The following DPP10 variants were observed in gnomAD, a reference collection of about 807,000 sequenced individuals.
The protein encoded by DPP10 is inactive dipeptidyl peptidase 10.
A neutral mutation model predicts 120.9 loss-of-function variants in DPP10; 33 were observed. The observed-to-expected ratio is 0.27, with a 90% CI of 0.21 to 0.37. DPP10 has a LOEUF of 0.37. Ranked by LOEUF, DPP10 falls within the 10% of genes least tolerant of loss-of-function variation. The pLI is 1.00. For missense variants in DPP10, 816 were observed against 942.8 expected (o/e 0.87, Z 1.76); for synonymous variants, 337 against 326.1 (o/e 1.03, Z -0.36).
chr2:114,571,474 C>G (rs1161645452), intron 1 of DPP10, among the ~76,000 whole-genome samples: 6 of 152,034 alleles, frequency 3.9e-5, no homozygotes, highest in Non-Finnish European at 8.8e-5. Flanking sequence ...TATAAATCAC[C>G]CAGTCTTGCA....
intron 7 of DPP10, among the ~76,000 whole-genome samples, chr2:115,692,091 A>G (rs1307937746): frequency 6.6e-6 from 1 of 152,040 alleles, no homozygotes; most frequent in Non-Finnish European, 1.5e-5. Flanking sequence ...CTATGTCGTT[A>G]AAATCCTTCT....
At chr2:115,598,925 G>A (rs1364910602) in intron 5 of DPP10, among the ~76,000 whole-genome samples, 5 of 150,600 alleles carry the variant, frequency 3.3e-5, no homozygotes, top group African/African-American at 4.9e-5. Context: ...TTTGAAACAC[G>A]TCTCACTCAT....
intron 1 of DPP10, among the ~76,000 whole-genome samples, chr2:115,210,054 G>A (rs2056403646): frequency 6.6e-6 from 1 of 151,718 alleles, no homozygotes; most frequent in African/African-American, 2.4e-5. Context: ...AAATTCTAGG[G>A]TACATGTACA....
chr2:115,342,224 G>A (rs2063483919), intron 2 of DPP10: 2 of 441,200 alleles, frequency 4.5e-6, no homozygotes, highest in South Asian at 3.2e-5. Flanking sequence ...TTTGAGACAA[G>A]GTCTCACCCT....
At chr2:114,967,264 T>C (rs550244079) in intron 1 of DPP10, among the ~76,000 whole-genome samples, 1 of 152,196 alleles carries the variant, frequency 6.6e-6, no homozygotes, top group Non-Finnish European at 1.5e-5. Flanking sequence ...AACAGTGCTA[T>C]GGAGCAAGTG....
chr2:115,186,153 C>T (rs1303528354), intron 1 of DPP10, among the ~76,000 whole-genome samples: 2 of 152,208 alleles, frequency 1.3e-5, no homozygotes, highest in Non-Finnish European at 2.9e-5. Context: ...TTCCCTCACT[C>T]TCATCACTGC....
intron 1 of DPP10, among the ~76,000 whole-genome samples, chr2:114,766,741 C>T (rs1680736706): frequency 6.6e-6 from 1 of 151,836 alleles, no homozygotes; most frequent in South Asian, 2.1e-4. Context: ...ATATAAAAAC[C>T]TGTAGATATG....
At chr2:115,480,443 T>C (rs1050361901) in intron 3 of DPP10, among the ~76,000 whole-genome samples, 1 of 152,162 alleles carries the variant, frequency 6.6e-6, no homozygotes, top group Admixed American at 6.6e-5. Flanking sequence ...TGGTAAACAC[T>C]TAACAAGTAG....
At chr2:115,676,588 G>A (rs1290061372) in intron 5 of DPP10, among the ~76,000 whole-genome samples, 2 of 152,044 alleles carry the variant, frequency 1.3e-5, no homozygotes, top group Non-Finnish European at 2.9e-5. Context: ...ACTAAATTAA[G>A]TAGAAGAAAG....
At chr2:115,663,308 T>C (rs1017510644) in intron 5 of DPP10, among the ~76,000 whole-genome samples, 21 of 152,220 alleles carry the variant, frequency 1.4e-4, no homozygotes, top group Admixed American at 1.0e-3. Flanking sequence ...TCTTCAGCAA[T>C]GTATAATAAG....
At position 115,286,480 on chromosome 2, in the gene DPP10, AATAT is replaced by A. The variant is rs1424111275; in HGVS notation, c.61-22751_61-22748del. 2.0e-4 allele frequency among the ~76,000 whole-genome samples: 10 copies of A among 49,600 alleles called. 1 individual carries two copies. Among genetic ancestry groups the A allele is most frequent in the Admixed American group, 1.1e-3 (4 of 3,754 alleles). 32.5% of individuals were successfully genotyped at this position (49,600 alleles called of 152,430 possible). Reference sequence around the variant, plus strand: ...AGTTTAAAGTGAAATATATATATGTAATATATATATAATATATATATATTACATA... The same window carrying A: ...AGTTTAAAGTGAAATATATATATGTAATATATAATATATATATATTACATA... On this transcript the variant is annotated intron_variant, in intron 1 of 25. Coordinates refer to ENST00000410059, the MANE Select transcript of DPP10 (RefSeq NM_020868.6).
intron 1 of DPP10, among the ~76,000 whole-genome samples, chr2:114,467,982 C>T (rs531421009): frequency 7.2e-5 from 11 of 152,272 alleles, no homozygotes; most frequent in African/African-American, 2.6e-4. Flanking sequence ...ATTGCAGCCA[C>T]TGCACTTCAG....
chr2:114,450,979 C>G (rs973717362), intron 1 of DPP10, among the ~76,000 whole-genome samples: 1 of 152,116 alleles, frequency 6.6e-6, no homozygotes, highest in Non-Finnish European at 1.5e-5. Context: ...AACACCACTT[C>G]TCCCAACTCT....
chr2:114,789,795 C>T (rs1011933591), intron 1 of DPP10, among the ~76,000 whole-genome samples: 1 of 152,200 alleles, frequency 6.6e-6, no homozygotes, highest in Admixed American at 6.5e-5. Context: ...ATATACAACA[C>T]ATGAGTGTGC....
At chr2:114,505,490 T>C (rs962662434) in intron 1 of DPP10, among the ~76,000 whole-genome samples, 6 of 151,910 alleles carry the variant, frequency 3.9e-5, no homozygotes, top group African/African-American at 1.2e-4. Flanking sequence ...CATTTTTAGG[T>C]AGCAAAGGGG....
Position 115,357,491 on chromosome 2 carries a change from G to A in DPP10, c.271+13579G>A, listed in dbSNP as rs144358378. ...GTGGGCTTCCACAGACTTGGGCAGC[G>A]CCACTCCTGTGGCTTTGCAGGCTAC... On this transcript the variant is annotated intron_variant, in intron 3 of 25. Transcript: ENST00000410059. Among the ~76,000 whole-genome samples the A allele has an allele frequency of 5.6e-4, 85 of 152,308 alleles. 2 individuals carry two copies. In the East Asian group the frequency reaches 8.7e-3, roughly 16 times the overall value.
In DPP10 at chr2:115,734,655, T is replaced by TA. The variant is rs55950813; in HGVS notation, c.698-5057dup. On this transcript the variant is annotated intron_variant, in intron 8 of 25. Transcript: ENST00000410059. ...TGGGCAACACAGTGAGACTCTGTCT[T>TA]AAAAAAAAAAAAAAAAAAAAAAAAA... 7.2e-4 allele frequency among the ~76,000 whole-genome samples: 72 copies of TA among 100,412 alleles called. 1 individual carries two copies. The highest frequency in any genetic ancestry group is 3.0e-3 in the African/African-American group (64 of 21,372). 65.9% of individuals were successfully genotyped at this position (100,412 alleles called of 152,430 possible). A position where few individuals can be genotyped will look rare whatever the true frequency, so the allele number is the denominator to read the frequency against.
chr2:114,685,265 G>A (rs1699287449), intron 1 of DPP10, among the ~76,000 whole-genome samples: 1 of 151,822 alleles, frequency 6.6e-6, no homozygotes, highest in South Asian at 2.1e-4. Context: ...TAACTCATGA[G>A]AAAAACAACA....
At chr2:114,985,468 T>C (rs1023254874) in intron 1 of DPP10, among the ~76,000 whole-genome samples, 43 of 152,348 alleles carry the variant, frequency 2.8e-4, no homozygotes, top group African/African-American at 9.9e-4. Context: ...ACTGTAAGCT[T>C]TACCAGAACA....
Sources: gnomAD v4.1 joint callset for allele counts (sites outside exome capture counted in the v4.1 genomes callset) on GRCh38, gnomAD v4.1.1 for gene constraint, MANE v1.5 for transcripts, NCBI Gene and HGNC (gene_info 2026-07-23, HGNC 2026-07-21) for gene names.